Variants in CDH13 observed in about 807,000 individuals in gnomAD.
CDH13 encodes the protein cadherin-13.
CDH13 carries 24 observed loss-of-function variants against 63.8 expected under a neutral mutation model. The ratio of observed to expected loss-of-function variants is 0.38; its 90% CI spans 0.27 to 0.53. The LOEUF is 0.53. Among genes scored for constraint, CDH13 ranks in the 20% least tolerant of loss-of-function variants. The pLI is 0.85. For missense variants in CDH13, 1,049 were observed against 903.1 expected (o/e 1.16, Z -2.07); for synonymous variants, 503 against 355.3 (o/e 1.42, Z -4.67).
intron 5 of CDH13, among the ~76,000 whole-genome samples, chr16:83,235,302 G>C (rs7194546): frequency 0.99 from 151,020 of 152,308 alleles, 74,889 homozygotes; most frequent in Middle Eastern, 1. Flanking sequence ...AATGACGCAG[G>C]TCCGAGTGCC....
At chr16:82,806,103 G>C (rs1225019092) in intron 1 of CDH13, among the ~76,000 whole-genome samples, 1 of 152,122 alleles carries the variant, frequency 6.6e-6, no homozygotes, top group Non-Finnish European at 1.5e-5. Flanking sequence ...CCAAGCTCAA[G>C]GGTGATTGAG....
chr16:83,075,717 TAG>T (rs2032786705), intron 3 of CDH13, among the ~76,000 whole-genome samples: 1 of 152,216 alleles, frequency 6.6e-6, no homozygotes, highest in Admixed American at 6.5e-5. Context: ...AGTTTTCCAA[TAG>T]AGACATATCA....
chr16:83,186,882 C>A (rs1194828676), intron 4 of CDH13, among the ~76,000 whole-genome samples: 2 of 152,100 alleles, frequency 1.3e-5, no homozygotes, highest in Admixed American at 1.3e-4. Flanking sequence ...CAGCTGGGAT[C>A]CCCTGTGAAG....
chr16:82,734,347 A>G (rs2033559208), intron 1 of CDH13, among the ~76,000 whole-genome samples: 1 of 152,220 alleles, frequency 6.6e-6, no homozygotes, highest in Admixed American at 6.5e-5. Context: ...GTGTCCACCT[A>G]CATCTAGAAG....
intron 1 of CDH13, among the ~76,000 whole-genome samples, chr16:82,781,644 C>G (rs370050108): frequency 1.9e-4 from 29 of 152,298 alleles, no homozygotes; most frequent in African/African-American, 6.5e-4. Context: ...ATTCATCTAC[C>G]TATCAGTCCA....
chr16:83,677,192 G>A (rs1047972662), intron 9 of CDH13, among the ~76,000 whole-genome samples: 5 of 152,210 alleles, frequency 3.3e-5, no homozygotes, highest in African/African-American at 1.2e-4. Context: ...ATGTGCTCTC[G>A]TGGTTGGGAA....
intron 1 of CDH13, among the ~76,000 whole-genome samples, chr16:82,786,550 C>T (rs1279021089): frequency 6.7e-6 from 1 of 148,838 alleles, no homozygotes; most frequent in South Asian, 2.1e-4. Context: ...TACATGTGCA[C>T]AATGTGCAGG....
chr16:82,866,391 T>C (rs1262759188), intron 2 of CDH13, among the ~76,000 whole-genome samples: 1 of 113,214 alleles, frequency 8.8e-6, no homozygotes, highest in Non-Finnish European at 1.9e-5. Context: ...TTTTTTTTTT[T>C]TTTTTTTTTT....
intron 9 of CDH13, among the ~76,000 whole-genome samples, chr16:83,676,471 C>T (rs1436469072): frequency 6.6e-6 from 1 of 152,208 alleles, no homozygotes; most frequent in Non-Finnish European, 1.5e-5. Flanking sequence ...CCAAGCATGG[C>T]AGCTCCCTGG....
chr16:83,017,020 C>T (rs968911937), intron 2 of CDH13, among the ~76,000 whole-genome samples: 7 of 152,142 alleles, frequency 4.6e-5, no homozygotes, highest in African/African-American at 1.7e-4. Flanking sequence ...AACTTCAAAT[C>T]TCAAGAGTTA....
intron 6 of CDH13, among the ~76,000 whole-genome samples, chr16:83,449,442 C>T (rs540531428): frequency 2.0e-5 from 3 of 152,288 alleles, no homozygotes; most frequent in Admixed American, 6.5e-5. Context: ...GGCCCCAGAT[C>T]CTGTTCTAAT....
chr16:83,432,846 C>T (rs1254489520), intron 6 of CDH13, among the ~76,000 whole-genome samples: 5 of 152,228 alleles, frequency 3.3e-5, no homozygotes, highest in African/African-American at 7.2e-5. Context: ...TAAAAATCAC[C>T]ACCACACCAT....
chr16:83,659,782 A>G (rs765118219), intron 8 of CDH13, among the ~76,000 whole-genome samples: 6 of 140,028 alleles, frequency 4.3e-5, no homozygotes, highest in African/African-American at 1.6e-4. Flanking sequence ...AGCAGTCCAC[A>G]ACCTTTTTTT....
At chr16:83,011,371 C>G (rs562475457) in intron 2 of CDH13, among the ~76,000 whole-genome samples, 14 of 152,260 alleles carry the variant, frequency 9.2e-5, no homozygotes, top group African/African-American at 3.4e-4. Flanking sequence ...TAAATATAAA[C>G]CAGACCTCAT....
intron 1 of CDH13, among the ~76,000 whole-genome samples, chr16:82,774,458 C>T (rs1236299828): frequency 6.6e-6 from 1 of 151,914 alleles, no homozygotes; most frequent in African/African-American, 2.4e-5. Context: ...ATATACATAA[C>T]ATAGAGGAAG....
chr16:82,627,911 C>A (rs1009015559), intron 1 of CDH13, among the ~76,000 whole-genome samples: 1 of 152,220 alleles, frequency 6.6e-6, no homozygotes, highest in East Asian at 1.9e-4. Context: ...TGAGCGGGAG[C>A]GGAGCGCAGA....
intron 2 of CDH13, among the ~76,000 whole-genome samples, chr16:82,916,504 T>C (rs369409446): frequency 6.6e-6 from 1 of 151,698 alleles, no homozygotes; most frequent in Non-Finnish European, 1.5e-5. Flanking sequence ...AATCTGGGAG[T>C]TGGAGGTTGC....
intron 2 of CDH13, among the ~76,000 whole-genome samples, chr16:83,014,619 T>C (rs1000589217): frequency 4.0e-5 from 6 of 149,866 alleles, no homozygotes; most frequent in South Asian, 2.1e-4. Flanking sequence ...TAATTCTAGC[T>C]ACTTGGGAGG....
chr16:82,791,162 G>A (rs1489076046), intron 1 of CDH13, among the ~76,000 whole-genome samples: 2 of 150,824 alleles, frequency 1.3e-5, no homozygotes, highest in African/African-American at 2.4e-5. Flanking sequence ...GCATGAACCC[G>A]GGAGGCGGAG....
Sources: gnomAD v4.1 joint callset for allele counts (sites outside exome capture counted in the v4.1 genomes callset) on GRCh38, gnomAD v4.1.1 for gene constraint, MANE v1.5 for transcripts, NCBI Gene and HGNC (gene_info 2026-07-23, HGNC 2026-07-21) for gene names.